Variants in CNR2 observed in about 807,000 individuals in gnomAD.
CNR2 encodes the protein cannabinoid receptor 2, also known as cannabinoid receptor 2 (macrophage).
For missense variants in CNR2, 379 were observed against 439.9 expected (o/e 0.86, Z 1.24); for synonymous variants, 172 against 182.2 (o/e 0.94, Z 0.45).
At position 23,875,387 on chromosome 1, in the gene CNR2, A is replaced by G. The variant is rs1185784215; in HGVS notation, c.231T>C (p.Ala77=). ...CCACACTGGCCAGGAAGTCAGCCCCAGCCAAGCTGCCAATGAACAGGTATG... is the reference window on the plus strand; with the variant it reads ...CCACACTGGCCAGGAAGTCAGCCCCGGCCAAGCTGCCAATGAACAGGTATG... ...KPSYLFIGSL[A]GADFLASVVF... Residue 77 remains alanine (A), a synonymous_variant, in exon 2 of 2, where the codon GCT becomes GCC. Transcript: ENST00000374472. 6.2e-7 allele frequency: 1 copy of G among 1,614,256 alleles called. No homozygotes were observed.
At chr1:23,895,056 C>T (rs1193716029) in intron 1 of CNR2, among the ~76,000 whole-genome samples, 1 of 152,066 alleles carries the variant, frequency 6.6e-6, no homozygotes, top group Non-Finnish European at 1.5e-5. Context: ...CCCATCTCTA[C>T]TAAAAATACA....
chr1:23,906,949 ATGCC>A (rs1004942473), intron 1 of CNR2, among the ~76,000 whole-genome samples: 2 of 151,884 alleles, frequency 1.3e-5, no homozygotes, highest in African/African-American at 4.8e-5. Context: ...CTCTCTGTAT[ATGCC>A]TTGCAGGTGT....
intron 1 of CNR2, chr1:23,901,464 G>A (rs754991205): frequency 1.6e-4 from 249 of 1,538,112 alleles, no homozygotes; most frequent in Non-Finnish European, 2.0e-4. Context: ...CAGCCTCCCC[G>A]GGCACCTCAG....
In CNR2 at chr1:23,871,730, T is replaced by C. The variant is rs1054129031; in HGVS notation, c.*2805A>G. ...TTCTTGTCCACCTGGAATCTGTGAA[T>C]GTGACCTTATTTGGAAACAGGGTCT... On this transcript the variant is annotated 3_prime_UTR_variant, in exon 2 of 2. Transcript: ENST00000374472. The C allele has an allele frequency of 1.3e-5, 2 of 152,248 alleles. No homozygotes were observed. The highest frequency in any genetic ancestry group is 2.9e-5 in the Non-Finnish European group (2 of 68,064). The allele number at this position is 152,248 out of a possible 1,614,324, so 9.4% of individuals were successfully genotyped here.
chr1:23,878,370 C>T (rs145865839), intron 1 of CNR2, among the ~76,000 whole-genome samples: 13 of 151,170 alleles, frequency 8.6e-5, no homozygotes, highest in African/African-American at 2.4e-4. Context: ...GCCTCAACAA[C>T]AAAAAAGAAT....
At chr1:23,911,153 C>T (rs561112993) in intron 1 of CNR2, among the ~76,000 whole-genome samples, 119 of 117,168 alleles carry the variant, frequency 1.0e-3, no homozygotes, top group African/African-American at 4.0e-3. Context: ...GGTTAGGTCA[C>T]GTGGGTGGGG....
intron 1 of CNR2, among the ~76,000 whole-genome samples, chr1:23,886,731 C>G (rs1225684971): frequency 6.6e-6 from 1 of 152,198 alleles, no homozygotes; most frequent in Non-Finnish European, 1.5e-5. Flanking sequence ...ATCCAGAAAA[C>G]AGTCCAAGAA....
intron 1 of CNR2, chr1:23,901,417 G>T: frequency 6.9e-7 from 1 of 1,443,082 alleles, no homozygotes; most frequent in Non-Finnish European, 9.4e-7. Flanking sequence ...AGCAGTTAGT[G>T]TCCTGATTTC....
intron 1 of CNR2, among the ~76,000 whole-genome samples, chr1:23,909,196 TC>T (rs914429637): frequency 2.0e-5 from 3 of 152,058 alleles, no homozygotes; most frequent in Admixed American, 6.5e-5. Flanking sequence ...ATGCAGTTCC[TC>T]CCCCATTAAT....
rs1639774832 is a variant in CNR2 at position 23,872,151 on chromosome 1, A to AAAAAAAAAAAC, written c.*2383_*2384insGTTTTTTTTTT. 1 of 150,442 alleles carries AAAAAAAAAAAC rather than the reference A, an allele frequency of 6.6e-6. No homozygotes were observed. Among genetic ancestry groups the AAAAAAAAAAAC allele is most frequent in the African/African-American group, 2.4e-5 (1 of 40,918 alleles). The allele number at this position is 150,442 out of a possible 1,614,324, so 9.3% of individuals were successfully genotyped here. A position where few individuals can be genotyped will look rare whatever the true frequency, so the allele number is the denominator to read the frequency against. ...CCGTCTCAAAAAAAAAAAAAAAAAAAAAAAAGACACCAAGAGACACAGAGG... is the reference window on the plus strand; with the variant it reads ...CCGTCTCAAAAAAAAAAAAAAAAAAAAAAAAAAAAACAAAAAGACACCAAGAGACACAGAGG... On this transcript the variant is annotated 3_prime_UTR_variant, in exon 2 of 2. Coordinates refer to ENST00000374472, the MANE Select transcript of CNR2 (RefSeq NM_001841.3).
At chr1:23,880,056 A>T (rs2148458968) in intron 1 of CNR2, among the ~76,000 whole-genome samples, 1 of 151,806 alleles carries the variant, frequency 6.6e-6, no homozygotes. Context: ...CTTTTCCTGG[A>T]TCACCTTTCC....
At chr1:23,893,162 C>T (rs1265524058) in intron 1 of CNR2, among the ~76,000 whole-genome samples, 1 of 152,176 alleles carries the variant, frequency 6.6e-6, no homozygotes, top group East Asian at 1.9e-4. Context: ...ATTCCATCCC[C>T]AGCCTGCTGT....
intron 1 of CNR2, among the ~76,000 whole-genome samples, chr1:23,912,350 TATAAA>T (rs1640601008): frequency 6.6e-6 from 1 of 152,202 alleles, no homozygotes; most frequent in Admixed American, 6.5e-5. Flanking sequence ...TCTCCCCATC[TATAAA>T]ATGAGAGCGC....
chr1:23,883,208 A>T (rs544890750), intron 1 of CNR2, among the ~76,000 whole-genome samples: 3 of 152,220 alleles, frequency 2.0e-5, no homozygotes, highest in African/African-American at 7.2e-5. Context: ...AAGGCTGACA[A>T]TACTGAGTGC....
At chr1:23,910,778 G>GT in intron 1 of CNR2, among the ~76,000 whole-genome samples, 1 of 151,822 alleles carries the variant, frequency 6.6e-6, no homozygotes, top group Non-Finnish European at 1.5e-5. Context: ...CATTTTTAGA[G>GT]TTGAAGAAAC....
In CNR2 at chr1:23,887,164, C is replaced by T. The variant is rs187007575; in HGVS notation, c.-45-11502G>A. Reference sequence around the variant, plus strand: ...TGTCAAGGTCACACCTGAGCTCAGACAGAAAAAGGTGCCAGCTCACCTCTC... The same window carrying T: ...TGTCAAGGTCACACCTGAGCTCAGATAGAAAAAGGTGCCAGCTCACCTCTC... On this transcript the variant is annotated intron_variant, in intron 1 of 1. Transcript: ENST00000374472. Among the ~76,000 whole-genome samples, 230 of 152,304 alleles carry T rather than the reference C, an allele frequency of 1.5e-3. 1 individual carries two copies. Among genetic ancestry groups the T allele is most frequent in the Non-Finnish European group, 2.5e-3 (169 of 68,024 alleles).
intron 1 of CNR2, among the ~76,000 whole-genome samples, chr1:23,880,933 T>C (rs1268811983): frequency 6.7e-6 from 1 of 150,316 alleles, no homozygotes; most frequent in Non-Finnish European, 1.5e-5. Context: ...TAATATAAAA[T>C]GATCTGTTGT....
intron 1 of CNR2, chr1:23,902,391 C>G: frequency 6.3e-7 from 1 of 1,587,068 alleles, no homozygotes. Context: ...GGCTTTCAGA[C>G]TTGTCCCCAG....
intron 1 of CNR2, chr1:23,901,761 C>G: frequency 2.0e-6 from 3 of 1,464,674 alleles, no homozygotes; most frequent in Middle Eastern, 1.7e-4. Context: ...CTCTTGAGCT[C>G]AATCTTCACG....
Sources: allele counts gnomAD v4.1 joint callset (sites outside exome capture counted in the v4.1 genomes callset), GRCh38; gene constraint gnomAD v4.1.1; transcripts MANE v1.5; gene names NCBI Gene and HGNC (gene_info 2026-07-23, HGNC 2026-07-21).